Variants in CEP63 observed in about 807,000 individuals in gnomAD.
The protein encoded by CEP63 is centrosomal protein of 63 kDa.
Under a neutral mutation model 89.1 loss-of-function variants are expected in CEP63, and 84 were observed. That is an observed-to-expected ratio of 0.94 (90% CI 0.79 to 1.13). The LOEUF (loss-of-function observed/expected upper bound fraction) is 1.13. CEP63 is among the 50% of genes most tolerant of loss of function. The pLI is 0.00. For missense variants in CEP63, 838 were observed against 813.3 expected (o/e 1.03, Z -0.37); for synonymous variants, 267 against 272.5 (o/e 0.98, Z 0.20).
chr3:134,737,110 A>G, the CEP63 span, among the ~76,000 whole-genome samples: 2 of 152,244 alleles, frequency 1.3e-5, no homozygotes, highest in Non-Finnish European at 2.9e-5. Flanking sequence ...ATAGGGATAT[A>G]AAGTGAAATT....
At chr3:134,600,465 A>G in the CEP63 span, among the ~76,000 whole-genome samples, 66 of 152,318 alleles carry the variant, frequency 4.3e-4, no homozygotes, top group African/African-American at 1.5e-3. Flanking sequence ...TGGTAGGACA[A>G]TGTAACATAT....
At chr3:134,546,080 T>C in intron 7 of CEP63, 69 bp from the exon 8 acceptor site, 1 of 1,533,852 alleles carries the variant, frequency 6.5e-7, no homozygotes. Context: ...TAGAAATTTC[T>C]GAGTATTTTG....
At chr3:134,666,116 T>C in the CEP63 span, among the ~76,000 whole-genome samples, 2 of 152,006 alleles carry the variant, frequency 1.3e-5, no homozygotes, top group Non-Finnish European at 2.9e-5. Flanking sequence ...CTGGCTGGCA[T>C]CAAAGTGAGG....
At chr3:134,751,482 C>T in the CEP63 span, among the ~76,000 whole-genome samples, 2 of 152,144 alleles carry the variant, frequency 1.3e-5, no homozygotes, top group Non-Finnish European at 2.9e-5. Flanking sequence ...CCCCACTAGA[C>T]TTCCCAGGGC....
the CEP63 span, among the ~76,000 whole-genome samples, chr3:134,611,822 T>C: frequency 6.6e-6 from 1 of 152,184 alleles, no homozygotes; most frequent in Non-Finnish European, 1.5e-5. Flanking sequence ...CCACGGAGCC[T>C]CCCAGGGGAA....
chr3:134,522,238 A>G (rs1017798916), intron 3 of CEP63, among the ~76,000 whole-genome samples: 4 of 152,184 alleles, frequency 2.6e-5, no homozygotes, highest in African/African-American at 9.7e-5. Context: ...GAAAAGACTC[A>G]AAGTGCCAAG....
At chr3:134,714,448 T>C in the CEP63 span, among the ~76,000 whole-genome samples, 1 of 152,166 alleles carries the variant, frequency 6.6e-6, no homozygotes, top group South Asian at 2.1e-4. Flanking sequence ...CTGGTGCTTT[T>C]TGAATGTGCT....
chr3:134,504,809 C>T (rs1943048190), intron 2 of CEP63, among the ~76,000 whole-genome samples: 1 of 151,736 alleles, frequency 6.6e-6, no homozygotes, highest in African/African-American at 2.4e-5. Flanking sequence ...ATTCTTTATT[C>T]TTTTGTTGTT....
chr3:134,695,462 C>G, the CEP63 span, among the ~76,000 whole-genome samples: 2 of 152,190 alleles, frequency 1.3e-5, no homozygotes, highest in Non-Finnish European at 2.9e-5. Flanking sequence ...GATGACCTTT[C>G]TTGCTTCCTT....
downstream of CEP63, among the ~76,000 whole-genome samples, chr3:134,576,517 C>T (rs1483310693): frequency 6.6e-6 from 1 of 152,214 alleles, no homozygotes; most frequent in Non-Finnish European, 1.5e-5. Context: ...GTGCCCAGGG[C>T]AGTGAGGCCC....
chr3:134,521,903 C>T (rs1947543599), intron 3 of CEP63, among the ~76,000 whole-genome samples: 1 of 152,066 alleles, frequency 6.6e-6, no homozygotes, highest in Non-Finnish European at 1.5e-5. Flanking sequence ...ATACTTTTTA[C>T]CTTTTTGAGG....
At chr3:134,491,848 T>C (rs1412720855) in intron 1 of CEP63, among the ~76,000 whole-genome samples, 1 of 152,176 alleles carries the variant, frequency 6.6e-6, no homozygotes, top group Non-Finnish European at 1.5e-5. Flanking sequence ...GCATATCCCT[T>C]CTCTTAGTAT....
the CEP63 span, chr3:134,608,896 A>T: frequency 1.3e-6 from 2 of 1,552,582 alleles, no homozygotes; most frequent in Non-Finnish European, 1.7e-6. Flanking sequence ...GCAGGGGCCC[A>T]ATACACCCAC....
At chr3:134,747,953 T>C in the CEP63 span, among the ~76,000 whole-genome samples, 4 of 152,048 alleles carry the variant, frequency 2.6e-5, no homozygotes, top group African/African-American at 9.7e-5. Context: ...GCCCGGCTAA[T>C]TTTTGTATTT....
the CEP63 span, among the ~76,000 whole-genome samples, chr3:134,657,940 A>T: frequency 1.3e-5 from 2 of 152,282 alleles, no homozygotes; most frequent in African/African-American, 4.8e-5. Context: ...TCTGTCACCC[A>T]GGCTGGAGTG....
the CEP63 span, among the ~76,000 whole-genome samples, chr3:134,781,405 T>C: frequency 6.6e-6 from 1 of 152,260 alleles, no homozygotes; most frequent in Non-Finnish European, 1.5e-5. Context: ...TTTCTTAAGA[T>C]TTGTTCCAAG....
the CEP63 span, among the ~76,000 whole-genome samples, chr3:134,740,655 A>G: frequency 6.6e-6 from 1 of 152,280 alleles, no homozygotes. Flanking sequence ...CCGTGTGGTC[A>G]GCCTGCTAGC....
At chr3:134,614,514 C>T in the CEP63 span, among the ~76,000 whole-genome samples, 2 of 151,996 alleles carry the variant, frequency 1.3e-5, no homozygotes, top group South Asian at 2.1e-4. Context: ...TCAGAGAAGC[C>T]CCAAGGGCTG....
intron 3 of CEP63, chr3:134,511,445 T>A (rs1486836702): frequency 6.5e-6 from 1 of 153,914 alleles, no homozygotes; most frequent in South Asian, 2.0e-4. Context: ...CTTTCAAGTA[T>A]GTGTTATAAC....
Sources: allele counts gnomAD v4.1 joint callset (sites outside exome capture counted in the v4.1 genomes callset), GRCh38; gene constraint gnomAD v4.1.1; transcripts MANE v1.5; gene names NCBI Gene and HGNC (gene_info 2026-07-23, HGNC 2026-07-21).